Variants in NOL4 observed in about 807,000 individuals in gnomAD.
The protein encoded by NOL4 is cancer/testis antigen 125.
In NOL4, 17 loss-of-function variants were observed where a neutral mutation model predicts 75.9. That is an observed-to-expected ratio of 0.22 (90% confidence interval 0.15 to 0.34). The LOEUF is 0.34. NOL4 is among the 10% of genes least tolerant of loss of function. The pLI, the probability that NOL4 is intolerant of heterozygous loss-of-function variation, is 1.00. For missense variants in NOL4, 614 were observed against 793.5 expected, an observed-to-expected ratio of 0.77 and a Z score of 2.72; for synonymous variants, 292 against 289.9, an observed-to-expected ratio of 1.01 and a Z score of -0.07.
chr18:34,029,481 G>A (rs2075524049), intron 5 of NOL4, among the ~76,000 whole-genome samples: 1 of 152,152 alleles, frequency 6.6e-6, no homozygotes, highest in African/African-American at 2.4e-5. Flanking sequence ...TAATGTCACA[G>A]GGGCATATCC....
At chr18:33,964,971 G>C (rs958615413) in intron 6 of NOL4, among the ~76,000 whole-genome samples, 2 of 152,050 alleles carry the variant, frequency 1.3e-5, no homozygotes, top group Admixed American at 6.6e-5. Flanking sequence ...CTTGTATTAT[G>C]ATTCAAAGAA....
chr18:33,936,894 C>T (rs577276686), intron 9 of NOL4, among the ~76,000 whole-genome samples: 1 of 152,026 alleles, frequency 6.6e-6, no homozygotes, highest in South Asian at 2.1e-4. Context: ...GGTTCTAATC[C>T]CTCTTACTTT....
intron 8 of NOL4, among the ~76,000 whole-genome samples, chr18:33,948,008 G>T (rs1026050500): frequency 6.6e-6 from 1 of 151,922 alleles, no homozygotes; most frequent in Non-Finnish European, 1.5e-5. Context: ...AACTATACAT[G>T]AAATAACTTT....
intron 5 of NOL4, among the ~76,000 whole-genome samples, chr18:34,079,771 CTT>C (rs1360910874): frequency 2.6e-5 from 4 of 152,134 alleles, no homozygotes; most frequent in Admixed American, 2.6e-4. Context: ...TTCATTCAGA[CTT>C]TTAGGTTTTT....
intron 2 of NOL4, among the ~76,000 whole-genome samples, chr18:34,110,243 A>AGTTTACAG (rs556598132): frequency 6.6e-6 from 1 of 151,216 alleles, no homozygotes; most frequent in Admixed American, 6.6e-5. Context: ...CTACAAAAAA[A>AGTTTACAG]GTTTACAGCC....
At chr18:34,050,071 TAA>T in intron 5 of NOL4, among the ~76,000 whole-genome samples, 1 of 152,288 alleles carries the variant, frequency 6.6e-6, no homozygotes, top group East Asian at 1.9e-4. Context: ...TCCATCATAG[TAA>T]AAAATGCTGT....
chr18:33,857,043 A>C (rs2144173706), intron 10 of NOL4, among the ~76,000 whole-genome samples: 1 of 152,140 alleles, frequency 6.6e-6, no homozygotes, highest in African/African-American at 2.4e-5. Context: ...ATCAAGTCAC[A>C]ACCATATTAT....
intron 2 of NOL4, among the ~76,000 whole-genome samples, chr18:34,114,569 T>C (rs923126625): frequency 5.3e-5 from 8 of 152,210 alleles, no homozygotes; most frequent in Non-Finnish European, 1.2e-4. Context: ...CTTACAAATG[T>C]TGTTTTCTAG....
chr18:33,983,166 G>A (rs907712954), intron 6 of NOL4, among the ~76,000 whole-genome samples: 1 of 152,064 alleles, frequency 6.6e-6, no homozygotes, highest in Non-Finnish European at 1.5e-5. Context: ...ACAGTAAAAA[G>A]ATCAGTGGTT....
At chr18:34,115,824 G>A (rs527250308) in intron 2 of NOL4, among the ~76,000 whole-genome samples, 23 of 152,090 alleles carry the variant, frequency 1.5e-4, no homozygotes, top group Non-Finnish European at 2.2e-4. Context: ...TGATTTCCTT[G>A]GCAGTGAGAC....
At chr18:33,866,748 T>C (rs1047029411) in intron 10 of NOL4, among the ~76,000 whole-genome samples, 1 of 152,168 alleles carries the variant, frequency 6.6e-6, no homozygotes, top group Non-Finnish European at 1.5e-5. Context: ...TTTTGGCTTC[T>C]GGGAAAAGAT....
chr18:34,012,984 C>T (rs1367098496), intron 6 of NOL4, among the ~76,000 whole-genome samples: 1 of 151,838 alleles, frequency 6.6e-6, no homozygotes, highest in Admixed American at 6.6e-5. Flanking sequence ...GGTTAAATAC[C>T]AGGCTTTATC....
intron 1 of NOL4, among the ~76,000 whole-genome samples, chr18:34,179,714 T>C (rs545495614): frequency 6.6e-6 from 1 of 151,736 alleles, no homozygotes; most frequent in Admixed American, 6.6e-5. Flanking sequence ...CGAATCACCA[T>C]TGTGAAGGTA....
At chr18:34,049,189 C>G (rs1329223597) in intron 5 of NOL4, among the ~76,000 whole-genome samples, 1 of 150,962 alleles carries the variant, frequency 6.6e-6, no homozygotes, top group Non-Finnish European at 1.5e-5. Flanking sequence ...GGTATGCTAA[C>G]AAAAGCAAAT....
Position 34,104,792 on chromosome 18 carries a change from A to G in NOL4, c.526+257T>C, listed in dbSNP as rs954993409. Among the ~76,000 whole-genome samples, 11 of 152,036 alleles carry G rather than the reference A, an allele frequency of 7.2e-5. No individual in the cohort carries two copies. The South Asian group carries it at 2.3e-3, about 31-fold the overall frequency. On this transcript the variant is annotated intron_variant, in intron 3 of 10. Coordinates refer to ENST00000261592, the MANE Select transcript of NOL4 (RefSeq NM_003787.5). ...ATATATCTAAAATAGCATGAAATAC[A>G]TATAATAAATGAAAATTAAAACATG...
chr18:34,130,069 T>C, intron 1 of NOL4, 49 bp from the exon 2 acceptor site: 1 of 1,445,328 alleles, frequency 6.9e-7, no homozygotes, highest in Non-Finnish European at 9.2e-7. Flanking sequence ...AATAAACTAA[T>C]TTGCATTTAA....
At chr18:34,189,645 A>G (rs2034761971) in intron 1 of NOL4, among the ~76,000 whole-genome samples, 2 of 152,342 alleles carry the variant, frequency 1.3e-5, no homozygotes, top group South Asian at 4.1e-4. Flanking sequence ...AATACATTTT[A>G]AGACTATATT....
At chr18:34,106,996 TA>T (rs2079318485) in intron 2 of NOL4, among the ~76,000 whole-genome samples, 1 of 152,128 alleles carries the variant, frequency 6.6e-6, no homozygotes, top group Non-Finnish European at 1.5e-5. Context: ...AGATTTCTAT[TA>T]AATTTTTTAT....
intron 6 of NOL4, among the ~76,000 whole-genome samples, chr18:33,985,260 G>T (rs1242930416): frequency 1.3e-5 from 2 of 152,132 alleles, no homozygotes; most frequent in African/African-American, 4.8e-5. Flanking sequence ...GGTTATTTTT[G>T]AGGGTAATGT....
Sources: gnomAD v4.1 joint callset for allele counts (sites outside exome capture counted in the v4.1 genomes callset) on GRCh38, gnomAD v4.1.1 for gene constraint, MANE v1.5 for transcripts, NCBI Gene and HGNC (gene_info 2026-07-23, HGNC 2026-07-21) for gene names.